Variants in NRXN3 observed in about 807,000 individuals in gnomAD.
The protein encoded by NRXN3 is neurexin III.
A neutral mutation model predicts 137.6 loss-of-function variants in NRXN3; 32 were observed. That is an observed-to-expected ratio of 0.23 (90% CI 0.18 to 0.31). NRXN3 has a LOEUF of 0.31. Among genes scored for constraint, NRXN3 ranks in the 10% least tolerant of loss-of-function variants. The pLI is 1.00. For missense variants in NRXN3, 1,574 were observed against 2,062.5 expected, an observed-to-expected ratio of 0.76 and a Z score of 4.59; for synonymous variants, 798 against 784.5, an observed-to-expected ratio of 1.02 and a Z score of -0.29.
chr14:78,503,319 A>G (rs1267615705), intron 4 of NRXN3, among the ~76,000 whole-genome samples: 1 of 152,148 alleles, frequency 6.6e-6, no homozygotes, highest in Non-Finnish European at 1.5e-5. Context: ...TGCACAGGAG[A>G]CTAATGCAAA....
chr14:78,941,374 G>A (rs966972376), intron 10 of NRXN3, among the ~76,000 whole-genome samples: 4 of 152,158 alleles, frequency 2.6e-5, no homozygotes, highest in Non-Finnish European at 4.4e-5. Context: ...AGGGCTGGCA[G>A]GGATTCACCT....
chr14:78,532,152 A>C (rs1600011045), intron 4 of NRXN3, among the ~76,000 whole-genome samples: 3 of 67,456 alleles, frequency 4.4e-5, no homozygotes, highest in Admixed American at 1.8e-4. Context: ...TAAAAATACA[A>C]AAAAAAAAAA....
At chr14:78,624,398 A>G (rs971211149) in intron 4 of NRXN3, among the ~76,000 whole-genome samples, 1 of 152,224 alleles carries the variant, frequency 6.6e-6, no homozygotes, top group African/African-American at 2.4e-5. Flanking sequence ...CTTATTAAGC[A>G]CTCGAAGCAG....
intron 2 of NRXN3, among the ~76,000 whole-genome samples, chr14:78,265,974 C>G (rs2071629610): frequency 6.6e-6 from 1 of 152,136 alleles, no homozygotes; most frequent in Admixed American, 6.5e-5. Flanking sequence ...TAGCACCATC[C>G]CTGGGACATA....
intron 1 of NRXN3, among the ~76,000 whole-genome samples, chr14:78,187,638 G>T (rs914872413): frequency 6.6e-6 from 1 of 152,096 alleles, no homozygotes; most frequent in Non-Finnish European, 1.5e-5. Context: ...GGAAGTCTTC[G>T]CTTCTGGTGA....
At chr14:78,470,994 C>G (rs1285450052) in intron 4 of NRXN3, among the ~76,000 whole-genome samples, 1 of 152,104 alleles carries the variant, frequency 6.6e-6, no homozygotes, top group Non-Finnish European at 1.5e-5. Context: ...CAATCCTAAT[C>G]TATACTCAGC....
chr14:79,579,037 C>T (rs1018970843), intron 16 of NRXN3, among the ~76,000 whole-genome samples: 4 of 152,132 alleles, frequency 2.6e-5, no homozygotes, highest in South Asian at 2.1e-4. Context: ...AAACAATTTA[C>T]AAGTTAGAAG....
chr14:78,705,838 G>C (rs1052570255), intron 6 of NRXN3, among the ~76,000 whole-genome samples: 1 of 152,242 alleles, frequency 6.6e-6, no homozygotes, highest in Non-Finnish European at 1.5e-5. Flanking sequence ...GGGCCATGGA[G>C]TAGATAGAGC....
At chr14:79,711,513 TCTTA>T (rs1172802614) in intron 19 of NRXN3, among the ~76,000 whole-genome samples, 1 of 147,152 alleles carries the variant, frequency 6.8e-6, no homozygotes, top group Non-Finnish European at 1.5e-5. Context: ...AGAGATGAGG[TCTTA>T]CTTTATTTCC....
chr14:78,226,256 A>C (rs940713382), intron 1 of NRXN3, among the ~76,000 whole-genome samples: 1 of 152,058 alleles, frequency 6.6e-6, no homozygotes, highest in African/African-American at 2.4e-5. Flanking sequence ...ACTCACCTTC[A>C]CATCCCAAAG....
intron 8 of NRXN3, among the ~76,000 whole-genome samples, chr14:78,771,505 AG>A (rs1360475056): frequency 6.6e-6 from 1 of 152,228 alleles, no homozygotes; most frequent in Non-Finnish European, 1.5e-5. Flanking sequence ...CAAGGTGCAG[AG>A]AAAGAAGATC....
At chr14:78,656,254 C>T (rs1601962622) in intron 6 of NRXN3, among the ~76,000 whole-genome samples, 1 of 152,096 alleles carries the variant, frequency 6.6e-6, no homozygotes, top group South Asian at 2.1e-4. Context: ...GCAGTTAATG[C>T]ACAACATGAG....
chr14:79,138,972 C>T (rs2058527243), intron 15 of NRXN3, among the ~76,000 whole-genome samples: 1 of 152,156 alleles, frequency 6.6e-6, no homozygotes, highest in Non-Finnish European at 1.5e-5. Context: ...AGAGGGCAAC[C>T]TCTATGTGAG....
intron 19 of NRXN3, among the ~76,000 whole-genome samples, chr14:79,733,553 C>T (rs563407533): frequency 2.0e-5 from 3 of 152,158 alleles, no homozygotes; most frequent in South Asian, 2.1e-4. Flanking sequence ...TTAACACGAT[C>T]GGAGGTGTGA....
chr14:79,412,913 T>C (rs78431136), intron 15 of NRXN3, among the ~76,000 whole-genome samples: 61 of 151,280 alleles, frequency 4.0e-4, no homozygotes, highest in Middle Eastern at 6.9e-3. Context: ...CCAAAAGGCC[T>C]CCAGTTGAAG....
In NRXN3 at chr14:78,295,067, G is replaced by A. The variant is rs937587461; in HGVS notation, c.728-2764G>A. Among the ~76,000 whole-genome samples the A allele has an allele frequency of 5.3e-5, 8 of 152,102 alleles. 1 individual carries two copies. The highest frequency in any genetic ancestry group is 1.3e-4 in the Admixed American group (2 of 15,270). ...GAAGCAGAATTTCAAAATAGACCTG[G>A]GCATGATGGAATTCTTGGTTTCCAG... On this transcript the variant is annotated intron_variant, in intron 3 of 20. Coordinates refer to ENST00000335750, the MANE Select transcript of NRXN3 (RefSeq NM_001330195.2).
intron 15 of NRXN3, among the ~76,000 whole-genome samples, chr14:79,381,085 G>A (rs2094457171): frequency 6.6e-6 from 1 of 152,028 alleles, no homozygotes; most frequent in Non-Finnish European, 1.5e-5. Flanking sequence ...TGTCAACAGT[G>A]TGCTCCAAGG....
intron 8 of NRXN3, among the ~76,000 whole-genome samples, chr14:78,747,669 T>A (rs780355704): frequency 2.6e-5 from 4 of 152,224 alleles, no homozygotes; most frequent in Non-Finnish European, 5.9e-5. Context: ...TCAAGCTTCA[T>A]CATACTTTTG....
intron 1 of NRXN3, among the ~76,000 whole-genome samples, chr14:78,189,111 T>C (rs540116332): frequency 2.6e-4 from 40 of 152,282 alleles, no homozygotes; most frequent in African/African-American, 8.9e-4. Context: ...ACTCCTTTCT[T>C]GCTCTCACAT....
Sources: gnomAD v4.1 joint callset for allele counts (sites outside exome capture counted in the v4.1 genomes callset) on GRCh38, gnomAD v4.1.1 for gene constraint, MANE v1.5 for transcripts, NCBI Gene and HGNC (gene_info 2026-07-23, HGNC 2026-07-21) for gene names.